Variants in PRSS55 observed in about 807,000 individuals in gnomAD.
PRSS55 encodes probable serine protease UNQ9391/PRO34284.
In PRSS55, 41 loss-of-function variants were observed where a neutral mutation model predicts 23.6. The observed-to-expected ratio is 1.74, with a 90% CI of 1.35 to 2.26. The LOEUF is 2.26. PRSS55 is among the 30% of genes most tolerant of loss of function. PRSS55 has a pLI of 0.00. For missense variants in PRSS55, 669 were observed against 439.1 expected, an observed-to-expected ratio of 1.52 and a Z score of -4.68; for synonymous variants, 262 against 175.5, an observed-to-expected ratio of 1.49 and a Z score of -3.90.
chr8:10,538,553 A>G lies in PRSS55; in HGVS notation c.819A>G (p.Gly273=). The G allele has an allele frequency of 6.2e-7, 1 of 1,614,100 alleles. No individual in the cohort carries two copies. Among genetic ancestry groups the G allele is most frequent in the Non-Finnish European group, 8.5e-7 (1 of 1,179,988 alleles). ...KWYQVGIISW[G]KSCGEKNTPG... Reference sequence around the variant, plus strand: ...ACCAGGTGGGCATCATAAGCTGGGGAAAGAGCTGTGGAGAGAAGAACACCC... The same window carrying G: ...ACCAGGTGGGCATCATAAGCTGGGGGAAGAGCTGTGGAGAGAAGAACACCC... The change falls in exon 5 of 5, where the codon GGA becomes GGG. Residue 273 remains glycine (G), a synonymous_variant. Transcript: ENST00000328655.
chr8:10,544,139 T>C (rs1290479136), intron 4 of PRSS55, among the ~76,000 whole-genome samples: 4 of 140,400 alleles, frequency 2.8e-5, no homozygotes, highest in African/African-American at 7.5e-5. Context: ...CCAACTTCTG[T>C]TATTAAATTG....
intron 4 of PRSS55, among the ~76,000 whole-genome samples, chr8:10,537,448 C>G (rs971078630): frequency 6.6e-6 from 1 of 151,988 alleles, no homozygotes; most frequent in Non-Finnish European, 1.5e-5. Context: ...ATGATGGTTA[C>G]CAGAGGCTGG....
chr8:10,540,217 G>T (rs1289559272), downstream of PRSS55: 3 of 152,318 alleles, frequency 2.0e-5, no homozygotes, highest in Non-Finnish European at 2.9e-5. Flanking sequence ...CAATTCACAA[G>T]AAGTCCCTCG....
intron 3 of PRSS55, 105 bp downstream of exon 3, chr8:10,531,650 T>C: frequency 2.7e-6 from 4 of 1,488,800 alleles, no homozygotes; most frequent in East Asian, 2.3e-5. Context: ...TGGAGCAGAT[T>C]CCCGCTCAGT....
At chr8:10,527,757 C>T (rs541592365) in intron 1 of PRSS55, among the ~76,000 whole-genome samples, 3 of 152,200 alleles carry the variant, frequency 2.0e-5, no homozygotes, top group Non-Finnish European at 4.4e-5. Flanking sequence ...CTCTGTACGT[C>T]AGTTGTCTCA....
chr8:10,543,442 TCCA>T (rs374049626), downstream of PRSS55, among the ~76,000 whole-genome samples: 64,723 of 101,280 alleles, frequency 0.64, 20,912 homozygotes, highest in South Asian at 0.79. Context: ...CTTCCTTCCT[TCCA>T]TCCTTCCTTC....
At chr8:10,531,962 A>G (rs1228401334) in intron 3 of PRSS55, among the ~76,000 whole-genome samples, 2 of 152,148 alleles carry the variant, frequency 1.3e-5, no homozygotes, top group Non-Finnish European at 2.9e-5. Context: ...TTAGAAATGA[A>G]TCTGTTGTTC....
chr8:10,528,917 T>C (rs1053467658), intron 1 of PRSS55, among the ~76,000 whole-genome samples: 8 of 152,168 alleles, frequency 5.3e-5, no homozygotes, highest in African/African-American at 1.4e-4. Flanking sequence ...TTGCGTCTCT[T>C]TGCCTTTCCT....
At chr8:10,542,382 T>G (rs1008480982), downstream of PRSS55, among the ~76,000 whole-genome samples, 2 of 149,292 alleles carry the variant, frequency 1.3e-5, no homozygotes, top group Non-Finnish European at 3.0e-5. Flanking sequence ...AATGCAATTG[T>G]TAGGTATTTC....
intron 4 of PRSS55, among the ~76,000 whole-genome samples, chr8:10,553,502 C>CAGATGAACCTAGAGGACATT (rs1268388790): frequency 5.9e-5 from 9 of 152,162 alleles, no homozygotes; most frequent in African/African-American, 2.2e-4. Flanking sequence ...GACAATGACA[C>CAGATGAACCTAGAGGACATT]AGATGAACCT....
downstream of PRSS55, chr8:10,541,685 C>G (rs999443209): frequency 4.6e-5 from 7 of 152,148 alleles, no homozygotes; most frequent in African/African-American, 1.7e-4. Flanking sequence ...TCTGGAAAAC[C>G]TGACTAATAT....
intron 4 of PRSS55, among the ~76,000 whole-genome samples, chr8:10,551,065 CAGA>C (rs1199036288): frequency 3.3e-5 from 5 of 152,230 alleles, no homozygotes; most frequent in Non-Finnish European, 7.3e-5. Flanking sequence ...ATAGCATACT[CAGA>C]AGGTCCTGCA....
At chr8:10,552,408 A>T (rs1812971189) in intron 4 of PRSS55, among the ~76,000 whole-genome samples, 1 of 152,242 alleles carries the variant, frequency 6.6e-6, no homozygotes, top group Non-Finnish European at 1.5e-5. Context: ...CAGCAAAAGC[A>T]AAAAATCAGA....
At chr8:10,535,484 A>G (rs1812422580) in intron 4 of PRSS55, among the ~76,000 whole-genome samples, 1 of 152,246 alleles carries the variant, frequency 6.6e-6, no homozygotes. Flanking sequence ...TTCCTTTTCG[A>G]TAAATGGTGT....
intron 1 of PRSS55, 37 bp downstream of exon 1, chr8:10,525,776 C>T (rs750443967): frequency 1.3e-6 from 2 of 1,548,322 alleles, no homozygotes; most frequent in South Asian, 1.2e-5. Flanking sequence ...GATGGGGGCT[C>T]ATGGTCCAGC....
chr8:10,532,004 G>A (rs1222251760), intron 3 of PRSS55, among the ~76,000 whole-genome samples: 1 of 152,142 alleles, frequency 6.6e-6, no homozygotes, highest in African/African-American at 2.4e-5. Context: ...GGCCAAAACA[G>A]AAGAAAGTCT....
At chr8:10,537,207 C>T (rs1256953296) in intron 4 of PRSS55, among the ~76,000 whole-genome samples, 1 of 152,118 alleles carries the variant, frequency 6.6e-6, no homozygotes, top group Non-Finnish European at 1.5e-5. Flanking sequence ...TTCACAATAG[C>T]CAAGATTTGG....
chr8:10,530,380 C>T (rs1354530284), intron 2 of PRSS55, among the ~76,000 whole-genome samples: 1 of 152,232 alleles, frequency 6.6e-6, no homozygotes, highest in Non-Finnish European at 1.5e-5. Context: ...GAGGCTGAGA[C>T]AGGAGAGTTG....
In PRSS55 at chr8:10,538,564, G is replaced by C. The variant is rs754528938; in HGVS notation, c.830G>C (p.Gly277Ala). 5.0e-6 allele frequency: 8 copies of C among 1,614,054 alleles called. No individual in the cohort carries two copies. The highest frequency in any genetic ancestry group is 1.3e-5 in the African/African-American group (1 of 74,930). Residue 277 changes from glycine to alanine, a missense_variant, in exon 5 of 5, where the codon GGA (glycine) becomes GCA (alanine). Gly to Ala is a moderately conservative substitution (Grantham distance 60). Transcript: ENST00000328655. Reference sequence around the variant, plus strand: ...ATCATAAGCTGGGGAAAGAGCTGTGGAGAGAAGAACACCCCAGGGATATAC... The same window carrying C: ...ATCATAAGCTGGGGAAAGAGCTGTGCAGAGAAGAACACCCCAGGGATATAC... The part of the protein sequence containing the change: ...VGIISWGKSC[G>A]EKNTPGIYTS...
Sources: allele counts gnomAD v4.1 joint callset (sites outside exome capture counted in the v4.1 genomes callset), GRCh38; gene constraint gnomAD v4.1.1; transcripts MANE v1.5; gene names NCBI Gene and HGNC (gene_info 2026-07-23, HGNC 2026-07-21).